OTUD7A: variants seen among roughly 807,000 people sequenced by gnomAD.
OTUD7A encodes the protein OTU deubiquitinase 7A, also known as OTU domain-containing protein 7A.
OTUD7A carries 12 observed loss-of-function variants against 65.7 expected under a neutral mutation model. The ratio of observed to expected loss-of-function variants is 0.18; its 90% CI spans 0.12 to 0.30. OTUD7A has a LOEUF of 0.30. Among genes scored for constraint, OTUD7A ranks in the 10% least tolerant of loss-of-function variants. The pLI is 1.00. For synonymous variants in OTUD7A, 641 were observed against 586.3 expected, an observed-to-expected ratio of 1.09 and a Z score of -1.35; for missense variants, 1,148 against 1,304.8, an observed-to-expected ratio of 0.88 and a Z score of 1.85.
chr15:31,738,375 A>G (rs1459815419), intron 1 of OTUD7A, among the ~76,000 whole-genome samples: 1 of 152,170 alleles, frequency 6.6e-6, no homozygotes, highest in Non-Finnish European at 1.5e-5. Context: ...TGGAGACCTG[A>G]GCATGCAATA....
intron 1 of OTUD7A, among the ~76,000 whole-genome samples, chr15:31,761,835 A>C (rs1337223941): frequency 6.6e-6 from 1 of 152,226 alleles, no homozygotes; most frequent in African/African-American, 2.4e-5. Flanking sequence ...ATGAAAAGGA[A>C]GGAAGTACTG....
rs145274730 is a variant in OTUD7A, at chr15:31,599,775, A to T, written c.152-29578T>A. On this transcript the variant is annotated intron_variant, in intron 3 of 12. Transcript: ENST00000307050. The stretch of plus-strand genomic sequence containing the variant: ...GTTAGACGAATTGCTAACTAGAATA[A>T]CTGGTTTAGAGAAGAACATAAATGA... 3.4e-3 allele frequency among the ~76,000 whole-genome samples: 511 copies of T among 152,306 alleles called. 3 individuals carry two copies. The highest frequency in any genetic ancestry group is 0.012 in the African/African-American group (494 of 41,566).
At chr15:31,858,270 T>A (rs896792914) in intron 1 of OTUD7A, among the ~76,000 whole-genome samples, 1 of 152,156 alleles carries the variant, frequency 6.6e-6, no homozygotes, top group African/African-American at 2.4e-5. Context: ...CCACAGCCAC[T>A]GACCAGAGTA....
chr15:31,791,979 C>T (rs1310074390), intron 1 of OTUD7A, among the ~76,000 whole-genome samples: 3 of 152,204 alleles, frequency 2.0e-5, no homozygotes, highest in Non-Finnish European at 4.4e-5. Context: ...CCCCACTTCA[C>T]ATGCCTACTC....
intron 4 of OTUD7A, among the ~76,000 whole-genome samples, chr15:31,562,842 C>T (rs1472126769): frequency 2.6e-5 from 4 of 152,120 alleles, no homozygotes; most frequent in Non-Finnish European, 5.9e-5. Flanking sequence ...TCCAATAAAA[C>T]TTTACTTAAA....
rs546956934 is a variant in OTUD7A, at chr15:31,647,108, G to A, written c.151+7988C>T. On this transcript the variant is annotated intron_variant, in intron 3 of 12. Transcript: ENST00000307050. ...CGGCAGAGCTCTCTCTAGTGGGAAC[G>A]GGACACTTGGAAGGGCAGCCAACGG... Among the ~76,000 whole-genome samples, 142 of 152,222 alleles carry A rather than the reference G, an allele frequency of 9.3e-4. 1 individual carries two copies. Among genetic ancestry groups the A allele is most frequent in the South Asian group, 8.3e-3 (40 of 4,826 alleles).
intron 3 of OTUD7A, among the ~76,000 whole-genome samples, chr15:31,649,526 A>T (rs1347463980): frequency 3.3e-5 from 5 of 152,214 alleles, no homozygotes; most frequent in Admixed American, 1.3e-4. Flanking sequence ...CTAAATTCCT[A>T]CATTACTGAC....
chr15:31,627,358 G>A (rs1220495632), intron 3 of OTUD7A, among the ~76,000 whole-genome samples: 1 of 149,752 alleles, frequency 6.7e-6, no homozygotes, highest in Admixed American at 6.8e-5. Flanking sequence ...TTTTGTCCTT[G>A]AGATAGTTTG....
intron 5 of OTUD7A, among the ~76,000 whole-genome samples, chr15:31,542,242 T>C (rs1474414814): frequency 1.3e-5 from 2 of 151,934 alleles, no homozygotes. Context: ...ACCTATAAAC[T>C]TGAGGTTAAA....
At chr15:31,554,124 G>A (rs1263919999) in intron 5 of OTUD7A, among the ~76,000 whole-genome samples, 1 of 152,148 alleles carries the variant, frequency 6.6e-6, no homozygotes, top group South Asian at 2.1e-4. Context: ...GCCCGCAGGT[G>A]TCTGTTGCTG....
chr15:31,766,656 C>A (rs563762395), intron 1 of OTUD7A: 3 of 1,601,104 alleles, frequency 1.9e-6, no homozygotes, highest in African/African-American at 1.3e-5. Flanking sequence ...AACTCTGAGA[C>A]CTTCAAAGCT....
intron 4 of OTUD7A, 29 bp downstream of exon 4, chr15:31,569,989 T>C (rs1888994969): frequency 1.2e-6 from 2 of 1,610,610 alleles, no homozygotes; most frequent in African/African-American, 2.7e-5. Context: ...CCTGGGCGGC[T>C]GTGCCTAGGC....
At chr15:31,746,868 G>T (rs774714532) in intron 1 of OTUD7A, among the ~76,000 whole-genome samples, 4 of 152,202 alleles carry the variant, frequency 2.6e-5, no homozygotes, top group Non-Finnish European at 5.9e-5. Context: ...CTTTTGGAGG[G>T]TATTAACTGG....
At chr15:31,561,257 C>T (rs1413018504) in intron 4 of OTUD7A, among the ~76,000 whole-genome samples, 3 of 152,322 alleles carry the variant, frequency 2.0e-5, no homozygotes, top group Non-Finnish European at 2.9e-5. Flanking sequence ...TTGCTTCCCA[C>T]GCTGGTTCAG....
chr15:31,596,140 C>T (rs1889897155), intron 3 of OTUD7A, among the ~76,000 whole-genome samples: 1 of 152,096 alleles, frequency 6.6e-6, no homozygotes, highest in South Asian at 2.1e-4. Context: ...CAGTGTTTGG[C>T]TGAATGTCAG....
chr15:31,726,896 AGT>A (rs1244135240), intron 1 of OTUD7A, among the ~76,000 whole-genome samples: 1 of 152,270 alleles, frequency 6.6e-6, no homozygotes, highest in Non-Finnish European at 1.5e-5. Context: ...CAGCAAAAAT[AGT>A]AACAGAAAAA....
At chr15:31,820,628 C>A (rs1209884778) in intron 1 of OTUD7A, among the ~76,000 whole-genome samples, 1 of 152,176 alleles carries the variant, frequency 6.6e-6, no homozygotes, top group African/African-American at 2.4e-5. Context: ...AAAACTGGCC[C>A]CACCATTTTC....
intron 1 of OTUD7A, among the ~76,000 whole-genome samples, chr15:31,812,889 T>C (rs1026807331): frequency 6.6e-6 from 1 of 152,178 alleles, no homozygotes; most frequent in African/African-American, 2.4e-5. Context: ...GTGATAAACA[T>C]CTTCTAAAAT....
chr15:31,774,127 C>T (rs1895308712), intron 1 of OTUD7A, among the ~76,000 whole-genome samples: 1 of 152,202 alleles, frequency 6.6e-6, no homozygotes. Flanking sequence ...CAAATAAAGT[C>T]CTCCCAGTTG....
Sources: allele counts gnomAD v4.1 joint callset (sites outside exome capture counted in the v4.1 genomes callset), GRCh38; gene constraint gnomAD v4.1.1; transcripts MANE v1.5; gene names NCBI Gene and HGNC (gene_info 2026-07-23, HGNC 2026-07-21).